DLGAP2: variants seen among roughly 807,000 people sequenced by gnomAD.
DLGAP2 encodes disks large-associated protein 2.
DLGAP2 carries 26 observed loss-of-function variants against 100.3 expected under a neutral mutation model. The observed-to-expected ratio is 0.26, with a 90% CI of 0.19 to 0.36. DLGAP2 has a LOEUF of 0.36. Ranked by LOEUF, DLGAP2 falls within the 10% of genes least tolerant of loss-of-function variation. The pLI is 1.00. For synonymous variants in DLGAP2, 886 were observed against 630.1 expected (o/e 1.41, Z -6.08); for missense variants, 1,858 against 1,453.2 (o/e 1.28, Z -4.53).
intron 6 of DLGAP2, among the ~76,000 whole-genome samples, chr8:1,587,893 A>G (rs1172166565): frequency 6.6e-6 from 1 of 152,150 alleles, no homozygotes; most frequent in Non-Finnish European, 1.5e-5. Flanking sequence ...TAAGTCATTC[A>G]TGATAACACT....
intron 2 of DLGAP2, among the ~76,000 whole-genome samples, chr8:1,009,982 T>C (rs577802472): frequency 3.3e-5 from 5 of 152,376 alleles, no homozygotes; most frequent in South Asian, 2.1e-4. Context: ...GCACAACTTA[T>C]CTTTCTGAAG....
chr8:826,124 G>C (rs56361555), intron 1 of DLGAP2, among the ~76,000 whole-genome samples: 35,018 of 152,166 alleles, frequency 0.23, 4,531 homozygotes, highest in Non-Finnish European at 0.3. Context: ...ATCAACTCCA[G>C]TTCCATCAAT....
chr8:1,180,483 C>T (rs561791282), intron 2 of DLGAP2, among the ~76,000 whole-genome samples: 17 of 152,368 alleles, frequency 1.1e-4, no homozygotes, highest in South Asian at 6.2e-4. Flanking sequence ...CAGGAGCCAC[C>T]GTGCCCAGCT....
At position 1,031,599 on chromosome 8, in the gene DLGAP2, C is replaced by T. The variant is rs117972696; in HGVS notation, c.73+123633C>T. Among the ~76,000 whole-genome samples, 1,372 of 151,924 alleles carry T rather than the reference C, an allele frequency of 9.0e-3. 11 individuals carry two copies. The highest frequency in any genetic ancestry group is 0.014 in the Non-Finnish European group (920 of 67,968). ...GGCTGTTTTGTATTTTTTGTAGAGA[C>T]GAGGTCTCATCATGTTGCCCAAGCC... On this transcript the variant is annotated intron_variant, in intron 2 of 14. Coordinates refer to ENST00000637795, the MANE Select transcript of DLGAP2 (RefSeq NM_001346810.2).
At chr8:1,213,291 G>A (rs995556686) in intron 2 of DLGAP2, among the ~76,000 whole-genome samples, 2 of 152,100 alleles carry the variant, frequency 1.3e-5, no homozygotes, top group Non-Finnish European at 2.9e-5. Context: ...AAACTGAGGA[G>A]GCCCACATTT....
intron 8 of DLGAP2, among the ~76,000 whole-genome samples, chr8:1,667,925 A>T (rs1798586291): frequency 6.6e-6 from 1 of 151,174 alleles, no homozygotes; most frequent in Non-Finnish European, 1.5e-5. Flanking sequence ...GCGGGGACAC[A>T]CCTTGCCTAG....
intron 3 of DLGAP2, among the ~76,000 whole-genome samples, chr8:1,281,249 G>A (rs1003394561): frequency 3.3e-5 from 5 of 152,332 alleles, no homozygotes; most frequent in East Asian, 1.9e-4. Context: ...CTTCAAAGTC[G>A]TAGATGTGGG....
intron 2 of DLGAP2, among the ~76,000 whole-genome samples, chr8:1,092,513 C>T (rs905040321): frequency 2.6e-5 from 4 of 152,146 alleles, no homozygotes; most frequent in Non-Finnish European, 5.9e-5. Flanking sequence ...CATGAGGGCC[C>T]TGGGTCTGGG....
At chr8:1,142,764 G>A (rs1473848034) in intron 2 of DLGAP2, among the ~76,000 whole-genome samples, 1 of 152,112 alleles carries the variant, frequency 6.6e-6, no homozygotes, top group Admixed American at 6.6e-5. Flanking sequence ...TGGGGAGGGT[G>A]AGGGGAGGGA....
chr8:1,322,260 A>G (rs1004313538), intron 3 of DLGAP2, among the ~76,000 whole-genome samples: 2 of 152,256 alleles, frequency 1.3e-5, no homozygotes, highest in Non-Finnish European at 2.9e-5. Flanking sequence ...ATTTTCCAAA[A>G]ATACAATTTT....
Position 1,668,641 on chromosome 8 carries a change from A to T in DLGAP2, c.2123A>T (p.Glu708Val). The change falls in exon 9 of 15, where the codon GAG (glutamate) becomes GTG (valine). Residue 708 changes from glutamate (E) to valine (V), a missense_variant. By Grantham distance (121) the Glu-to-Val change is moderately radical. Transcript: ENST00000637795. ...DKAILVSKAE[E>V]LLKSRCSSIG... ...GCCATCCTGGTGTCCAAGGCGGAGGAGCTCCTCAAGAGCCGCTGCTCCTCC... is the reference window on the plus strand; with the variant it reads ...GCCATCCTGGTGTCCAAGGCGGAGGTGCTCCTCAAGAGCCGCTGCTCCTCC... 6.3e-7 allele frequency: 1 copy of T among 1,588,530 alleles called. No homozygotes were observed.
At chr8:848,165 A>G (rs1047795789) in intron 1 of DLGAP2, among the ~76,000 whole-genome samples, 3 of 152,220 alleles carry the variant, frequency 2.0e-5, no homozygotes, top group Non-Finnish European at 4.4e-5. Flanking sequence ...ACCTTGAGAC[A>G]CTGGCTTCTT....
intron 2 of DLGAP2, among the ~76,000 whole-genome samples, chr8:986,636 C>A (rs937641051): frequency 1.2e-4 from 18 of 151,218 alleles, no homozygotes; most frequent in African/African-American, 4.4e-4. Flanking sequence ...TACTGGGCAC[C>A]CACTGCATGT....
intron 2 of DLGAP2, among the ~76,000 whole-genome samples, chr8:1,215,094 C>T (rs1310255443): frequency 6.6e-6 from 1 of 152,040 alleles, no homozygotes; most frequent in Non-Finnish European, 1.5e-5. Context: ...CAGTAAAGGT[C>T]GTCAAGTGAG....
At chr8:923,228 G>C (rs369507183) in intron 2 of DLGAP2, among the ~76,000 whole-genome samples, 119 of 152,184 alleles carry the variant, frequency 7.8e-4, no homozygotes, top group African/African-American at 2.8e-3. Flanking sequence ...GTGTTAGGTA[G>C]CAAACCACAG....
At chr8:1,474,076 C>T (rs1171530048) in intron 3 of DLGAP2, among the ~76,000 whole-genome samples, 2 of 152,130 alleles carry the variant, frequency 1.3e-5, no homozygotes, top group African/African-American at 2.4e-5. Flanking sequence ...TTGTATCATT[C>T]TTACGCCTTT....
At chr8:1,122,102 C>T (rs955475271) in intron 2 of DLGAP2, among the ~76,000 whole-genome samples, 1 of 152,164 alleles carries the variant, frequency 6.6e-6, no homozygotes, top group African/African-American at 2.4e-5. Context: ...CTTAGGTGAA[C>T]TTTGAGCCAG....
intron 4 of DLGAP2, among the ~76,000 whole-genome samples, chr8:1,521,157 C>G (rs553621419): frequency 1.4e-5 from 2 of 140,172 alleles, no homozygotes; most frequent in African/African-American, 2.8e-5. Flanking sequence ...ACTTGGGCGG[C>G]AGGTGATATG....
chr8:1,683,597 C>T (rs1385214119), intron 12 of DLGAP2, among the ~76,000 whole-genome samples: 2 of 149,806 alleles, frequency 1.3e-5, no homozygotes, highest in Admixed American at 6.6e-5. Context: ...CCTCACACAT[C>T]GCCTGGCACA....
Sources: allele counts gnomAD v4.1 joint callset (sites outside exome capture counted in the v4.1 genomes callset), GRCh38; gene constraint gnomAD v4.1.1; transcripts MANE v1.5; gene names NCBI Gene and HGNC (gene_info 2026-07-23, HGNC 2026-07-21).